Variants in SGCD observed in about 807,000 individuals in gnomAD.
SGCD encodes the protein sarcoglycan delta, also known as delta-sarcoglycan.
Under a neutral mutation model 36.6 loss-of-function variants are expected in SGCD, and 18 were observed. The observed-to-expected ratio is 0.49, with a 90% CI of 0.34 to 0.73. SGCD has a LOEUF of 0.73. Among genes scored for constraint, SGCD ranks in the 30% least tolerant of loss-of-function variants. The pLI is 0.01. For synonymous variants in SGCD, 133 were observed against 130.6 expected, an observed-to-expected ratio of 1.02 and a Z score of -0.12; for missense variants, 387 against 346.7, an observed-to-expected ratio of 1.12 and a Z score of -0.92.
chr5:156,070,878 G>C, intron 1 of SGCD, among the ~76,000 whole-genome samples: 1 of 152,154 alleles, frequency 6.6e-6, no homozygotes. Context: ...ATGTGATGAG[G>C]AATTTATCCA....
chr5:156,400,606 C>T (rs992379937), intron 3 of SGCD, among the ~76,000 whole-genome samples: 1 of 152,180 alleles, frequency 6.6e-6, no homozygotes, highest in Admixed American at 6.5e-5. Flanking sequence ...TTGAACACAA[C>T]TTATATTGCC....
At chr5:155,968,985 C>T (rs1011785252) in intron 1 of SGCD, among the ~76,000 whole-genome samples, 10 of 151,862 alleles carry the variant, frequency 6.6e-5, no homozygotes, top group Non-Finnish European at 1.3e-4. Flanking sequence ...TAGATCTATC[C>T]ACATCAATAC....
intron 1 of SGCD, among the ~76,000 whole-genome samples, chr5:155,943,131 A>ATATC (rs1554106015): frequency 6.6e-6 from 1 of 152,180 alleles, no homozygotes; most frequent in African/African-American, 2.4e-5. Flanking sequence ...ATGCCATAGT[A>ATATC]TATCTGTCTT....
intron 1 of SGCD, among the ~76,000 whole-genome samples, chr5:155,918,509 G>C (rs1169238942): frequency 6.6e-6 from 1 of 152,220 alleles, no homozygotes; most frequent in Non-Finnish European, 1.5e-5. Flanking sequence ...TTTGCAGTGA[G>C]CTGAGATCGC....
intron 1 of SGCD, among the ~76,000 whole-genome samples, chr5:155,926,076 T>C (rs1756992547): frequency 6.6e-6 from 1 of 152,156 alleles, no homozygotes; most frequent in Admixed American, 6.5e-5. Flanking sequence ...AACTTTCATC[T>C]GCTTGTGAGG....
chr5:156,079,726 C>T lies in SGCD; in HGVS notation c.-281-38152C>T, dbSNP rs938041804. ...AGGGCACAATTCTGCAAGAGGTGGG[C>T]CCCTAAGGTCTTGGGCAGCTCCACA... On this transcript the variant is annotated intron_variant, in intron 1 of 9. Coordinates refer to the SGCD transcript ENST00000517913. Among the ~76,000 whole-genome samples, 10 of 152,336 alleles carry T rather than the reference C, an allele frequency of 6.6e-5. No individual in the cohort carries two copies. In the South Asian group the frequency reaches 1.9e-3, roughly 28 times the overall value.
chr5:155,893,001 C>A (rs1220083366), intron 1 of SGCD, among the ~76,000 whole-genome samples: 4 of 152,158 alleles, frequency 2.6e-5, no homozygotes, highest in Middle Eastern at 3.4e-3. Flanking sequence ...AGGTTGGCCA[C>A]CAGGTACAAA....
In SGCD at chr5:156,397,105, C is replaced by T. The variant is rs149773786; in HGVS notation, c.192+52428C>T. Among the ~76,000 whole-genome samples, 24 of 152,310 alleles carry T rather than the reference C, an allele frequency of 1.6e-4. 1 individual carries two copies. In the East Asian group the frequency reaches 4.4e-3, roughly 28 times the overall value. ...GATCAGGTTCTCATCCCTGCATTAA[C>T]CTGAGCAGGCTGGCATTTGGGTTAT... On this transcript the variant is annotated intron_variant, in intron 3 of 8. Coordinates refer to ENST00000337851, the MANE Select transcript of SGCD (RefSeq NM_000337.6).
In SGCD at chr5:155,916,433, C is replaced by G. The variant is rs1312577784; in HGVS notation, c.-282+46009C>G. ...TTTGACATGAGGTCTCTAATCTTGA[C>G]TTTTCACCATAGGTTGCCCCAGTAC... On this transcript the variant is annotated intron_variant, in intron 1 of 9. Transcript: ENST00000517913. 2.6e-5 allele frequency among the ~76,000 whole-genome samples: 4 copies of G among 152,178 alleles called. 1 individual carries two copies. In the East Asian group the frequency reaches 7.7e-4, roughly 29 times the overall value.
chr5:156,365,015 C>G (rs770649002), intron 3 of SGCD, among the ~76,000 whole-genome samples: 5 of 152,146 alleles, frequency 3.3e-5, no homozygotes, highest in Non-Finnish European at 7.3e-5. Context: ...ACACTGTACA[C>G]TTCTACAATG....
At chr5:155,785,905 T>G in the SGCD span, among the ~76,000 whole-genome samples, 4 of 152,210 alleles carry the variant, frequency 2.6e-5, no homozygotes, top group Non-Finnish European at 5.9e-5. Flanking sequence ...TGACTGTAGC[T>G]AGTTTCCAGT....
intron 3 of SGCD, among the ~76,000 whole-genome samples, chr5:156,505,990 T>G (rs1343821282): frequency 6.6e-6 from 1 of 152,190 alleles, no homozygotes; most frequent in Non-Finnish European, 1.5e-5. Context: ...TCAGCCTCCC[T>G]GGGTATCATG....
At chr5:156,608,667 G>T (rs1345686212) in intron 6 of SGCD, among the ~76,000 whole-genome samples, 1 of 152,132 alleles carries the variant, frequency 6.6e-6, no homozygotes, top group African/African-American at 2.4e-5. Context: ...CCTTATTATT[G>T]TGTGGGATTC....
intron 1 of SGCD, among the ~76,000 whole-genome samples, chr5:156,004,677 C>A (rs1210308454): frequency 6.6e-6 from 1 of 152,208 alleles, no homozygotes; most frequent in Admixed American, 6.5e-5. Flanking sequence ...AAGTTTGGCG[C>A]TGGATTTTCT....
At chr5:156,558,855 C>T (rs1272615355) in intron 4 of SGCD, among the ~76,000 whole-genome samples, 1 of 152,140 alleles carries the variant, frequency 6.6e-6, no homozygotes, top group Non-Finnish European at 1.5e-5. Flanking sequence ...TCTGTACTTG[C>T]AGATGGTTCT....
At chr5:155,818,039 A>G in the SGCD span, among the ~76,000 whole-genome samples, 1 of 152,232 alleles carries the variant, frequency 6.6e-6, no homozygotes, top group Admixed American at 6.5e-5. Flanking sequence ...TATTCAGTTT[A>G]GTAAACTATA....
At chr5:156,184,688 A>T (rs1405801339) in intron 3 of SGCD, among the ~76,000 whole-genome samples, 1 of 152,172 alleles carries the variant, frequency 6.6e-6, no homozygotes, top group Non-Finnish European at 1.5e-5. Flanking sequence ...TCACCCTACC[A>T]CCACCTCCTT....
chr5:156,527,050 G>A (rs1397973649), intron 4 of SGCD, among the ~76,000 whole-genome samples: 1 of 152,146 alleles, frequency 6.6e-6, no homozygotes, highest in Non-Finnish European at 1.5e-5. Context: ...CACTGGGCAG[G>A]TAAGATTCCT....
At chr5:156,287,767 C>G (rs544682203) in intron 3 of SGCD, among the ~76,000 whole-genome samples, 13 of 152,120 alleles carry the variant, frequency 8.5e-5, no homozygotes, top group Middle Eastern at 6.8e-3. Context: ...GGCATGGTGT[C>G]TCTCACCTGT....
Sources: gnomAD v4.1 joint callset for allele counts (sites outside exome capture counted in the v4.1 genomes callset) on GRCh38, gnomAD v4.1.1 for gene constraint, MANE v1.5 for transcripts, NCBI Gene and HGNC (gene_info 2026-07-23, HGNC 2026-07-21) for gene names.